The following DNM3 variants were observed in gnomAD, a reference collection of about 807,000 sequenced individuals.
DNM3 encodes the protein dynamin 3, also known as dynamin-3.
Under a neutral mutation model 101.6 loss-of-function variants are expected in DNM3, and 47 were observed. That is an observed-to-expected ratio of 0.46 (90% confidence interval 0.37 to 0.59). The LOEUF is 0.59. Ranked by LOEUF, DNM3 falls within the 20% of genes least tolerant of loss-of-function variation. The pLI is 0.00. For synonymous variants in DNM3, 385 were observed against 387.9 expected, an observed-to-expected ratio of 0.99 and a Z score of 0.09; for missense variants, 849 against 1,085.7, an observed-to-expected ratio of 0.78 and a Z score of 3.06.
At chr1:172,002,628 G>A (rs1033012125) in intron 4 of DNM3, among the ~76,000 whole-genome samples, 1 of 152,012 alleles carries the variant, frequency 6.6e-6, no homozygotes, top group Admixed American at 6.6e-5. Context: ...TTGAAAATAT[G>A]ACAACAAACA....
chr1:172,222,549 G>A (rs1196538597), intron 14 of DNM3, among the ~76,000 whole-genome samples: 1 of 152,068 alleles, frequency 6.6e-6, no homozygotes, highest in African/African-American at 2.4e-5. Flanking sequence ...AGAGGACAGG[G>A]GTCTACTTAG....
chr1:172,066,193 G>A (rs2051645701), intron 10 of DNM3, among the ~76,000 whole-genome samples: 2 of 151,954 alleles, frequency 1.3e-5, no homozygotes, highest in Non-Finnish European at 2.9e-5. Context: ...GTATGGTGGT[G>A]TGTGACTCTG....
At chr1:172,290,931 C>G (rs542372054) in intron 15 of DNM3, among the ~76,000 whole-genome samples, 2 of 151,972 alleles carry the variant, frequency 1.3e-5, no homozygotes, top group Non-Finnish European at 2.9e-5. Context: ...GGGAGTCAGG[C>G]GGGTGTGATA....
At chr1:172,006,225 A>G (rs1324170637) in intron 4 of DNM3, among the ~76,000 whole-genome samples, 2 of 152,076 alleles carry the variant, frequency 1.3e-5, no homozygotes, top group Non-Finnish European at 2.9e-5. Context: ...TTTCTTGATT[A>G]AATCCTAATT....
chr1:172,370,967 A>C (rs767098185), intron 17 of DNM3, among the ~76,000 whole-genome samples: 9 of 151,960 alleles, frequency 5.9e-5, no homozygotes, highest in Non-Finnish European at 5.9e-5. Context: ...CAGCCTGGTA[A>C]TTTCAGAACG....
chr1:172,370,429 T>C (rs568320970), intron 17 of DNM3: 2 of 152,142 alleles, frequency 1.3e-5, no homozygotes, highest in East Asian at 3.9e-4. Flanking sequence ...AGTGAGATGC[T>C]ATATAAAGAA....
intron 17 of DNM3, among the ~76,000 whole-genome samples, chr1:172,334,274 A>G (rs1445530321): frequency 6.6e-6 from 1 of 152,212 alleles, no homozygotes; most frequent in Non-Finnish European, 1.5e-5. Context: ...GACTGTCTAT[A>G]TATTGTTTCC....
chr1:172,237,679 A>C (rs1019592136), intron 14 of DNM3, among the ~76,000 whole-genome samples: 1 of 152,206 alleles, frequency 6.6e-6, no homozygotes, highest in Non-Finnish European at 1.5e-5. Context: ...ATTTACAAAC[A>C]GAAAATTCTT....
intron 1 of DNM3, among the ~76,000 whole-genome samples, chr1:171,854,054 T>C (rs911388735): frequency 1.3e-5 from 2 of 152,198 alleles, no homozygotes; most frequent in Non-Finnish European, 1.5e-5. Flanking sequence ...AATCAACCTA[T>C]ACTTGAGTTG....
intron 20 of DNM3, chr1:172,399,685 G>A (rs2070313290): frequency 6.6e-6 from 1 of 152,074 alleles, no homozygotes; most frequent in Non-Finnish European, 1.5e-5. Context: ...TCTAAAGCAT[G>A]TTAGAGCTCC....
At chr1:172,243,980 G>T (rs1327723905) in intron 14 of DNM3, among the ~76,000 whole-genome samples, 1 of 151,992 alleles carries the variant, frequency 6.6e-6, no homozygotes, top group Non-Finnish European at 1.5e-5. Flanking sequence ...TCGTCATCTA[G>T]CATTAGGTAT....
intron 4 of DNM3, among the ~76,000 whole-genome samples, chr1:172,004,412 G>T (rs1235974428): frequency 2.0e-5 from 3 of 152,040 alleles, no homozygotes; most frequent in Non-Finnish European, 4.4e-5. Context: ...GAACTCAATA[G>T]CCAGCGGACT....
At chr1:172,249,701 T>C (rs1352591365) in intron 14 of DNM3, among the ~76,000 whole-genome samples, 1 of 152,178 alleles carries the variant, frequency 6.6e-6, no homozygotes, top group Non-Finnish European at 1.5e-5. Context: ...AGTTTACCAG[T>C]GCTTCCTTCA....
intron 1 of DNM3, among the ~76,000 whole-genome samples, chr1:171,881,729 C>T (rs1240853713): frequency 6.7e-6 from 1 of 148,202 alleles, no homozygotes; most frequent in South Asian, 2.1e-4. Flanking sequence ...GATGTGCTGC[C>T]AAGCACCTTT....
intron 1 of DNM3, among the ~76,000 whole-genome samples, chr1:171,899,742 T>G (rs1054644686): frequency 5.9e-5 from 9 of 152,180 alleles, no homozygotes; most frequent in Admixed American, 2.0e-4. Context: ...TAATTAGACA[T>G]GGTTCCTGCT....
chr1:172,048,525 G>T (rs553716867), intron 9 of DNM3, 87 bp from the exon 10 acceptor site: 1 of 1,411,332 alleles, frequency 7.1e-7, no homozygotes, highest in South Asian at 1.5e-5. Context: ...AATTTAAATG[G>T]AATGTTAATT....
intron 10 of DNM3, among the ~76,000 whole-genome samples, chr1:172,063,775 C>CAA (rs11317272): frequency 4.6e-5 from 4 of 87,752 alleles, no homozygotes; most frequent in African/African-American, 8.1e-5. Context: ...GAGACTTTGT[C>CAA]AAAAAAAAAA....
Position 172,411,804 on chromosome 1 carries a change from T to C in DNM3, c.*3963T>C, listed in dbSNP as rs1329515536. The stretch of plus-strand genomic sequence containing the variant: ...GACTTAAGCCATGAGTTTTGTATCA[T>C]TTCAATTAGAAGACTACTAGCTGTG... On this transcript the variant is annotated 3_prime_UTR_variant, in exon 21 of 21. Coordinates refer to ENST00000627582, the MANE Select transcript of DNM3 (RefSeq NM_015569.5). 1 of 985,586 alleles carries C rather than the reference T, an allele frequency of 1.0e-6. No homozygotes were observed. Among genetic ancestry groups the C allele is most frequent in the African/African-American group, 1.7e-5 (1 of 57,238 alleles). 61.1% of individuals were successfully genotyped at this position (985,586 alleles called of 1,614,324 possible). A position where few individuals can be genotyped will look rare whatever the true frequency, so the allele number is the denominator to read the frequency against.
At chr1:172,207,718 G>T (rs140345230) in intron 14 of DNM3, among the ~76,000 whole-genome samples, 1 of 152,028 alleles carries the variant, frequency 6.6e-6, no homozygotes, top group Non-Finnish European at 1.5e-5. Flanking sequence ...AAAGGTTGTC[G>T]TAGATATTTC....
Sources: gnomAD v4.1 joint callset for allele counts (sites outside exome capture counted in the v4.1 genomes callset) on GRCh38, gnomAD v4.1.1 for gene constraint, MANE v1.5 for transcripts, NCBI Gene and HGNC (gene_info 2026-07-23, HGNC 2026-07-21) for gene names.